Variants in C1QTNF1 observed in about 807,000 individuals in gnomAD.
C1QTNF1 encodes complement C1q tumor necrosis factor-related protein 1.
A neutral mutation model predicts 27.8 loss-of-function variants in C1QTNF1; 22 were observed. The ratio of observed to expected loss-of-function variants is 0.79; its 90% CI spans 0.56 to 1.13. C1QTNF1 has a LOEUF of 1.13. Among genes scored for constraint, C1QTNF1 ranks in the 50% most tolerant of loss-of-function variants. C1QTNF1 has a pLI of 0.00. For synonymous variants in C1QTNF1, 166 were observed against 154.3 expected (o/e 1.08, Z -0.56); for missense variants, 373 against 380.2 (o/e 0.98, Z 0.16).
chr17:79,041,079 A>G (rs1006556769), intron 1 of C1QTNF1, among the ~76,000 whole-genome samples: 3 of 152,140 alleles, frequency 2.0e-5, no homozygotes, highest in Admixed American at 1.3e-4. Context: ...CTGGAGAGAG[A>G]ACTTAGATGT....
At position 79,048,378 on chromosome 17, in the gene C1QTNF1, C is replaced by T. The variant is rs1480209464; in HGVS notation, c.*290C>T. On this transcript the variant is annotated 3_prime_UTR_variant, in exon 4 of 4. Coordinates refer to ENST00000579760, the MANE Select transcript of C1QTNF1 (RefSeq NM_030968.5). ...ACCCCGCACGGCGAGACGCGGGTGGCGGCAGGGCGTCCCAGGGTGCGGCAC... is the reference window on the plus strand; with the variant it reads ...ACCCCGCACGGCGAGACGCGGGTGGTGGCAGGGCGTCCCAGGGTGCGGCAC... The T allele has an allele frequency of 2.0e-5, 7 of 353,076 alleles. No homozygotes were observed. The highest frequency in any genetic ancestry group is 4.3e-5 in the Admixed American group (1 of 23,346). The allele number at this position is 353,076 out of a possible 1,614,324, so 21.9% of individuals were successfully genotyped here.
chr17:79,041,923 G>GCC (rs199563694), intron 1 of C1QTNF1: 4 of 115,092 alleles, frequency 3.5e-5, no homozygotes, highest in African/African-American at 1.4e-4. Context: ...AAAGAAATCT[G>GCC]TCAGGATTTT....
chr17:79,045,074 A>T (rs2072532138), intron 2 of C1QTNF1, among the ~76,000 whole-genome samples: 1 of 152,116 alleles, frequency 6.6e-6, no homozygotes, highest in Non-Finnish European at 1.5e-5. Context: ...GCTTTGTAGT[A>T]GGGGTGTACC....
intron 2 of C1QTNF1, among the ~76,000 whole-genome samples, chr17:79,044,388 G>A (rs372746674): frequency 4.6e-5 from 7 of 152,336 alleles, no homozygotes; most frequent in Admixed American, 2.0e-4. Context: ...TGGCTTTGCA[G>A]CTGCCTCCTT....
Position 79,036,939 on chromosome 17 carries a change from CAG to C in C1QTNF1, c.-14-7015_-14-7014del, listed in dbSNP as rs965838683. Among the ~76,000 whole-genome samples the C allele has an allele frequency of 7.1e-4, 108 of 152,274 alleles. 1 individual carries two copies. The highest frequency in any genetic ancestry group is 2.4e-3 in the African/African-American group (99 of 41,554). On this transcript the variant is annotated intron_variant, in intron 1 of 3. Transcript: ENST00000579760. ...GATGAGGATTAAAGAAAAAGGAAAA[CAG>C]TGTTTACAGAATGCTTTTGTCAAAA...
chr17:79,033,099 AG>A (rs1162507942), intron 1 of C1QTNF1, among the ~76,000 whole-genome samples: 1 of 150,258 alleles, frequency 6.7e-6, no homozygotes, highest in Non-Finnish European at 1.5e-5. Flanking sequence ...GTCTTAGCGC[AG>A]AGCAAAGAGG....
chr17:79,034,365 G>A (rs557898356), intron 1 of C1QTNF1: 1 of 152,386 alleles, frequency 6.6e-6, no homozygotes, highest in Non-Finnish European at 1.5e-5. Flanking sequence ...GGTGAGCTGA[G>A]GACAGCTGCT....
At chr17:79,023,722 A>T (rs5028453), upstream of C1QTNF1, among the ~76,000 whole-genome samples, 1 of 150,146 alleles carries the variant, frequency 6.7e-6, no homozygotes, top group Non-Finnish European at 1.5e-5. Context: ...ACACACACAC[A>T]CACACACACA....
intron 1 of C1QTNF1, among the ~76,000 whole-genome samples, chr17:79,041,456 C>T (rs1378612709): frequency 1.3e-5 from 2 of 152,132 alleles, no homozygotes; most frequent in Non-Finnish European, 2.9e-5. Flanking sequence ...CGTGAGGGCT[C>T]TGCGGGGAGC....
chr17:79,037,726 T>C (rs939193123), intron 1 of C1QTNF1, among the ~76,000 whole-genome samples: 15 of 152,152 alleles, frequency 9.9e-5, no homozygotes, highest in African/African-American at 3.6e-4. Context: ...TAGAGTGCAG[T>C]GGTGCGATCA....
chr17:79,030,440 TCTCTTTC>T (rs2072092796), intron 1 of C1QTNF1, among the ~76,000 whole-genome samples: 1 of 126,284 alleles, frequency 7.9e-6, no homozygotes, highest in Non-Finnish European at 1.8e-5. Flanking sequence ...AAACTTTCTC[TCTCTTTC>T]TTCTTTCTTT....
intron 1 of C1QTNF1, among the ~76,000 whole-genome samples, chr17:79,035,840 C>T (rs1208122372): frequency 6.6e-6 from 1 of 152,094 alleles, no homozygotes; most frequent in African/African-American, 2.4e-5. Flanking sequence ...ATGTCTAGAC[C>T]CTGGAAAAGG....
intron 1 of C1QTNF1, among the ~76,000 whole-genome samples, chr17:79,038,635 T>C (rs76877717): frequency 0.037 from 5,624 of 152,278 alleles, 221 homozygotes; most frequent in African/African-American, 0.1. Context: ...GCCACGTGGA[T>C]CTGGATTCAC....
intron 1 of C1QTNF1, among the ~76,000 whole-genome samples, chr17:79,038,646 A>G (rs7224728): frequency 0.18 from 27,250 of 152,142 alleles, 3,261 homozygotes; most frequent in African/African-American, 0.34. Flanking sequence ...CTGGATTCAC[A>G]CAGGTTTCAC....
chr17:79,046,795 T>C lies in C1QTNF1; in HGVS notation c.295+101T>C. ...AGGGTGGGGCTAGGCGAGAGCAGAATGGCTCCCTCGGGACAGGGAGCAGAG... is the reference window on the plus strand; with the variant it reads ...AGGGTGGGGCTAGGCGAGAGCAGAACGGCTCCCTCGGGACAGGGAGCAGAG... On this transcript the variant is annotated intron_variant, in intron 3 of 3. Transcript: ENST00000579760. This position sits in a 1 kb window ranked among gnomAD's most constrained non-coding sequence, Gnocchi z 4.8. 3 of 1,471,784 alleles carry C rather than the reference T, an allele frequency of 2.0e-6. No homozygotes were observed. Among genetic ancestry groups the C allele is most frequent in the East Asian group, 2.3e-5 (1 of 43,546 alleles). The allele number at this position is 1,471,784 out of a possible 1,614,324, so 91.2% of individuals were successfully genotyped here.
chr17:79,028,475 G>T (rs2072035455), intron 1 of C1QTNF1, among the ~76,000 whole-genome samples: 1 of 152,202 alleles, frequency 6.6e-6, no homozygotes, highest in South Asian at 2.1e-4. Context: ...GGGGACAGAG[G>T]TGTGTTCAGA....
At chr17:79,030,501 CTTTCTTTCTTTCTT>C (rs1568061122) in intron 1 of C1QTNF1, among the ~76,000 whole-genome samples, 2 of 125,734 alleles carry the variant, frequency 1.6e-5, no homozygotes, top group African/African-American at 6.0e-5. Context: ...TTCTTTCTTT[CTTTCTTTCTTTCTT>C]TCTTTCTTTC....
In C1QTNF1 at chr17:79,040,145, T is replaced by C. The variant is rs901099544; in HGVS notation, c.-14-3810T>C. On this transcript the variant is annotated intron_variant, in intron 1 of 3. Transcript: ENST00000579760. ...GTCTGCTGAGTAGACTCTCATAGGC[T>C]AGACAAACTCTCTGCAGTAGGAGAC... 7.1e-4 allele frequency among the ~76,000 whole-genome samples: 108 copies of C among 152,202 alleles called. 1 individual carries two copies. The highest frequency in any genetic ancestry group is 9.2e-4 in the Admixed American group (14 of 15,282).
At chr17:79,044,458 G>A (rs185476350) in intron 2 of C1QTNF1, among the ~76,000 whole-genome samples, 22 of 152,268 alleles carry the variant, frequency 1.4e-4, no homozygotes, top group Non-Finnish European at 2.2e-4. Flanking sequence ...CACTTTGTCC[G>A]CTGAGAATAT....
Sources: gnomAD v4.1 joint callset for allele counts (sites outside exome capture counted in the v4.1 genomes callset) on GRCh38, gnomAD v4.1.1 for gene constraint, Gnocchi (gnomAD v3.1) non-coding constraint, MANE v1.5 for transcripts, NCBI Gene and HGNC (gene_info 2026-07-23, HGNC 2026-07-21) for gene names.